Variants in ROBO1 observed in about 807,000 individuals in gnomAD.
ROBO1 encodes roundabout homolog 1.
A neutral mutation model predicts 195.9 loss-of-function variants in ROBO1; 149 were observed. The observed-to-expected ratio is 0.76, with a 90% CI of 0.67 to 0.87. ROBO1 has a LOEUF of 0.87. ROBO1 is among the 40% of genes least tolerant of loss of function. The probability of loss-of-function intolerance (pLI) is 0.00; values close to 1 mark genes in which losing one functional copy is unlikely to be tolerated. For synonymous variants in ROBO1, 816 were observed against 733.2 expected, an observed-to-expected ratio of 1.11 and a Z score of -1.82; for missense variants, 1,933 against 2,068.3, an observed-to-expected ratio of 0.93 and a Z score of 1.27.
chr3:78,891,365 A>T (rs1480675540), intron 4 of ROBO1, among the ~76,000 whole-genome samples: 3 of 152,178 alleles, frequency 2.0e-5, no homozygotes. Context: ...AAAAAATTCA[A>T]CATCATGAAG....
intron 5 of ROBO1, among the ~76,000 whole-genome samples, chr3:78,722,888 G>A (rs141730225): frequency 6.6e-6 from 1 of 152,172 alleles, no homozygotes; most frequent in Admixed American, 6.5e-5. Flanking sequence ...ATATTATGAA[G>A]ATGATGAAAT....
intron 1 of ROBO1, among the ~76,000 whole-genome samples, chr3:79,599,186 T>TCA (rs1944268203): frequency 1.3e-5 from 2 of 152,076 alleles, no homozygotes; most frequent in Non-Finnish European, 2.9e-5. Context: ...GCATGTGAAG[T>TCA]ATTCAAAATA....
At chr3:78,911,698 T>C (rs758665227) in intron 4 of ROBO1, among the ~76,000 whole-genome samples, 8 of 152,052 alleles carry the variant, frequency 5.3e-5, no homozygotes, top group Non-Finnish European at 8.8e-5. Flanking sequence ...GTCATTGCAA[T>C]TGAAGGACTT....
chr3:79,363,931 T>C (rs1468868549), intron 2 of ROBO1, among the ~76,000 whole-genome samples: 1 of 152,048 alleles, frequency 6.6e-6, no homozygotes, highest in Non-Finnish European at 1.5e-5. Flanking sequence ...TGGATTAAAA[T>C]ATAATAAAGG....
intron 2 of ROBO1, among the ~76,000 whole-genome samples, chr3:79,573,949 T>G (rs568190942): frequency 5.9e-5 from 9 of 152,164 alleles, no homozygotes; most frequent in Non-Finnish European, 1.0e-4. Context: ...GGTGAACATG[T>G]ATATATTACC....
At chr3:78,693,220 C>T in intron 8 of ROBO1, 1 of 1,260,240 alleles carries the variant, frequency 7.9e-7, no homozygotes, top group Non-Finnish European at 1.1e-6. Flanking sequence ...GTCTTTGTGG[C>T]CAATGACAAG....
intron 2 of ROBO1, among the ~76,000 whole-genome samples, chr3:79,184,120 A>G (rs1348196511): frequency 6.6e-6 from 1 of 152,142 alleles, no homozygotes; most frequent in Non-Finnish European, 1.5e-5. Flanking sequence ...TGTCAAGGGG[A>G]AAAAATAAAA....
At chr3:79,516,202 T>C (rs1940936128) in intron 2 of ROBO1, among the ~76,000 whole-genome samples, 1 of 152,210 alleles carries the variant, frequency 6.6e-6, no homozygotes, top group South Asian at 2.1e-4. Flanking sequence ...ACTGTTAGTA[T>C]AATTAAAATA....
intron 2 of ROBO1, among the ~76,000 whole-genome samples, chr3:79,276,514 A>G (rs1419659378): frequency 6.6e-6 from 1 of 152,078 alleles, no homozygotes. Context: ...AAACTATGAA[A>G]CTATGAAAGG....
chr3:79,434,728 A>G (rs2038818615), intron 2 of ROBO1, among the ~76,000 whole-genome samples: 1 of 152,190 alleles, frequency 6.6e-6, no homozygotes, highest in Non-Finnish European at 1.5e-5. Flanking sequence ...TACCCAAAGG[A>G]TTAGAAATCA....
At chr3:79,755,008 G>A (rs1236373464) in intron 1 of ROBO1, among the ~76,000 whole-genome samples, 3 of 152,018 alleles carry the variant, frequency 2.0e-5, no homozygotes, top group African/African-American at 4.8e-5. Flanking sequence ...AGCCTCCCGA[G>A]TAGCTGGGAT....
intron 3 of ROBO1, among the ~76,000 whole-genome samples, chr3:79,070,958 T>G (rs2079078462): frequency 6.6e-6 from 1 of 151,792 alleles, no homozygotes; most frequent in African/African-American, 2.4e-5. Flanking sequence ...AAAATTGCAT[T>G]GTACATTTTA....
intron 10 of ROBO1, among the ~76,000 whole-genome samples, chr3:78,683,129 T>TACACAC (rs71892319): frequency 2.7e-5 from 4 of 150,000 alleles, no homozygotes; most frequent in African/African-American, 9.8e-5. Flanking sequence ...GTTTTGTAGA[T>TACACAC]ACACACACAC....
chr3:79,243,761 T>G (rs1282593122), intron 2 of ROBO1, among the ~76,000 whole-genome samples: 2 of 152,296 alleles, frequency 1.3e-5, no homozygotes, highest in East Asian at 1.9e-4. Context: ...TTGCAAAAAT[T>G]TTCTCCCATT....
chr3:78,727,997 G>A (rs1033526664), intron 5 of ROBO1, among the ~76,000 whole-genome samples: 2 of 151,826 alleles, frequency 1.3e-5, no homozygotes, highest in Non-Finnish European at 2.9e-5. Context: ...AAATATCAAA[G>A]CAAATATTTT....
chr3:79,370,382 C>T (rs1423160423), intron 2 of ROBO1, among the ~76,000 whole-genome samples: 1 of 151,786 alleles, frequency 6.6e-6, no homozygotes, highest in Non-Finnish European at 1.5e-5. Context: ...TCCTTTAAAA[C>T]ACAACTAACT....
At chr3:79,019,275 G>T (rs567283368) in intron 3 of ROBO1, 6 of 985,872 alleles carry the variant, frequency 6.1e-6, no homozygotes, top group Admixed American at 6.1e-5. Context: ...GGGGGCAGCT[G>T]CCTGCACCCC....
intron 3 of ROBO1, among the ~76,000 whole-genome samples, chr3:78,962,901 A>C (rs542534996): frequency 6.6e-6 from 1 of 151,734 alleles, no homozygotes; most frequent in African/African-American, 2.4e-5. Context: ...AGACGAGTGA[A>C]GTAACACCTG....
chr3:79,458,712 A>T (rs962500151), intron 2 of ROBO1, among the ~76,000 whole-genome samples: 2 of 152,174 alleles, frequency 1.3e-5, no homozygotes, highest in African/African-American at 4.8e-5. Context: ...CCATAGGAAA[A>T]AAAAAACTGG....
Sources: allele counts gnomAD v4.1 joint callset (sites outside exome capture counted in the v4.1 genomes callset), GRCh38; gene constraint gnomAD v4.1.1; transcripts MANE v1.5; gene names NCBI Gene and HGNC (gene_info 2026-07-23, HGNC 2026-07-21).